HTT: variants seen among roughly 807,000 people sequenced by gnomAD.
The protein encoded by HTT is huntingtin.
A neutral mutation model predicts 362.3 loss-of-function variants in HTT; 104 were observed. That is an observed-to-expected ratio of 0.29 (90% CI 0.24 to 0.34). HTT has a LOEUF of 0.34. Among genes scored for constraint, HTT ranks in the 10% least tolerant of loss-of-function variants. The pLI, the probability that HTT is intolerant of heterozygous loss-of-function variation, is 1.00. For missense variants in HTT, 3,301 were observed against 3,928.6 expected (o/e 0.84, Z 4.27); for synonymous variants, 1,577 against 1,548.7 (o/e 1.02, Z -0.43).
intron 6 of HTT, among the ~76,000 whole-genome samples, chr4:3,112,632 G>GAT (rs1714815698): frequency 6.6e-6 from 1 of 152,192 alleles, no homozygotes; most frequent in Admixed American, 6.6e-5. Flanking sequence ...CCATTGTAGG[G>GAT]ATATACCACA....
chr4:3,225,059 G>A (rs1720843771), intron 56 of HTT, among the ~76,000 whole-genome samples: 1 of 152,140 alleles, frequency 6.6e-6, no homozygotes, highest in African/African-American at 2.4e-5. Context: ...TCTGGGGTCT[G>A]GCAGAGGGTT....
chr4:3,099,630 C>CTTGTATGGTTTGGAGGTGCTCTG (rs1714048511), intron 3 of HTT, among the ~76,000 whole-genome samples: 2 of 67,844 alleles, frequency 2.9e-5, no homozygotes, highest in Non-Finnish European at 6.7e-5. Context: ...TGGAGGTGCT[C>CTTGTATGGTTTGGAGGTGCTCTG]TTGTATGGTT....
intron 3 of HTT, 117 bp from the exon 4 acceptor site, chr4:3,103,707 A>G (rs1714273381): frequency 1.5e-6 from 1 of 675,124 alleles, no homozygotes; most frequent in Non-Finnish European, 2.7e-6. Flanking sequence ...TATATTCTTA[A>G]TTTAGTTGCT....
chr4:3,194,178 A>G (rs1474457702), intron 40 of HTT, among the ~76,000 whole-genome samples: 1 of 152,198 alleles, frequency 6.6e-6, no homozygotes, highest in Non-Finnish European at 1.5e-5. Context: ...AGACCTTTAA[A>G]TTTGTCCATT....
At chr4:3,103,686 T>A (rs1296771901) in intron 3 of HTT, 138 bp from the exon 4 acceptor site, 1 of 623,372 alleles carries the variant, frequency 1.6e-6, no homozygotes, top group Non-Finnish European at 2.9e-6. Context: ...GTTTCTTTCA[T>A]TCTTAATGAA....
At chr4:3,106,581 G>C (rs1211283323) in intron 5 of HTT, among the ~76,000 whole-genome samples, 1 of 152,160 alleles carries the variant, frequency 6.6e-6, no homozygotes, top group Non-Finnish European at 1.5e-5. Context: ...TCCCAGTGCC[G>C]TTTAGATAGA....
intron 28 of HTT, among the ~76,000 whole-genome samples, 200 bp from the exon 29 acceptor site, chr4:3,160,082 A>G (rs1361054298): frequency 2.0e-5 from 3 of 152,212 alleles, no homozygotes; most frequent in Non-Finnish European, 4.4e-5. Context: ...TAGTTTTTGT[A>G]TAGCTATCTG....
chr4:3,090,072 C>T (rs976840777), intron 2 of HTT, among the ~76,000 whole-genome samples: 2 of 152,156 alleles, frequency 1.3e-5, no homozygotes, highest in African/African-American at 2.4e-5. Flanking sequence ...TATTGCTCAT[C>T]GCTGTTTCCT....
chr4:3,228,703 C>A lies in HTT; in HGVS notation c.7937C>A (p.Ala2646Asp), dbSNP rs751016951. 3 of 1,609,242 alleles carry A rather than the reference C, an allele frequency of 1.9e-6. No individual in the cohort carries two copies. Among genetic ancestry groups the A allele is most frequent in the Non-Finnish European group, 2.5e-6 (3 of 1,177,142 alleles). ...WDEEEEEEADAPAPSSPPTSP... is the reference protein window; with the variant it reads ...WDEEEEEEADDPAPSSPPTSP... ...GAGGAAGAGGAGGAGGAGGCCGACG[C>A]CCCTGCACCTTCGTCACCACCCACG... The change falls in exon 58 of 67, where the codon GCC becomes GAC. Residue 2646 changes from alanine (A) to aspartate (D), a missense_variant. Physicochemically the swap from Ala to Asp is moderately radical, Grantham distance 126 (BLOSUM62 -2). Coordinates refer to ENST00000355072, the MANE Select transcript of HTT (RefSeq NM_001388492.1). This position sits in a 1 kb window ranked among gnomAD's most constrained non-coding sequence, Gnocchi z 4.3.
intron 21 of HTT, among the ~76,000 whole-genome samples, chr4:3,138,031 T>G (rs536102651): frequency 6.6e-6 from 1 of 152,226 alleles, no homozygotes; most frequent in Admixed American, 6.5e-5. Context: ...ATTTTGGTAC[T>G]TACTGTGAAA....
chr4:3,240,411 T>G lies in HTT; in HGVS notation c.*352T>G. On this transcript the variant is annotated 3_prime_UTR_variant, in exon 67 of 67. Coordinates refer to ENST00000355072, the MANE Select transcript of HTT (RefSeq NM_001388492.1). ...CATCTGGGCCAGAAGTCCTCCCTCC[T>G]GCAGGCTGGCTGTTGGCCCCTCTGC... 2.9e-6 allele frequency: 1 copy of G among 339,746 alleles called. No homozygotes were observed. The highest frequency in any genetic ancestry group is 5.6e-6 in the Non-Finnish European group (1 of 179,602). The allele number at this position is 339,746 out of a possible 1,614,324, so 21.0% of individuals were successfully genotyped here.
chr4:3,197,182 G>A (rs1315523189), intron 40 of HTT, among the ~76,000 whole-genome samples: 1 of 152,062 alleles, frequency 6.6e-6, no homozygotes, highest in African/African-American at 2.4e-5. Context: ...TCTCGTTACT[G>A]TTTTCTCTGT....
intron 24 of HTT, among the ~76,000 whole-genome samples, chr4:3,146,351 A>G (rs753596497): frequency 6.6e-6 from 1 of 152,228 alleles, no homozygotes; most frequent in Non-Finnish European, 1.5e-5. Flanking sequence ...CAACATAATA[A>G]TATCAGGAAA....
chr4:3,206,879 C>G lies in HTT; in HGVS notation c.5971C>G (p.Leu1991Val). The change falls in exon 44 of 67, where the codon CTG (leucine) becomes GTG (valine). Residue 1991 changes from leucine (L) to valine (V), a missense_variant. Around this residue, in one of 4 missense-constraint regions of HTT, gnomAD observed 2,316 missense variants for 2,658.5 expected, o/e 0.87. Transcript: ENST00000355072. The surrounding 1 kb of genome is among the most constrained non-coding windows in gnomAD (Gnocchi z 4.6). ...CAGCCAGTCGGGAGCTGTGCTCACG[C>G]TGTATGTGGACAGGCTTCTGTGCAC... ...HLSQSGAVLT[L>V]YVDRLLCTPF... The G allele has an allele frequency of 1.9e-6, 3 of 1,614,122 alleles. No homozygotes were observed. Among genetic ancestry groups the G allele is most frequent in the Non-Finnish European group, 2.5e-6 (3 of 1,179,942 alleles).
Position 3,187,836 on chromosome 4 carries a change from A to C in HTT, c.5175A>C (p.Glu1725Asp), listed in dbSNP as rs754341933. Residue 1725 changes from glutamate to aspartate, a missense_variant, in exon 39 of 67, where the codon GAA (glutamate) becomes GAC (aspartate). Glu to Asp is a conservative substitution (Grantham distance 45). This residue lies in a region of HTT where 2,316 missense variants were observed against 2,658.5 expected (regional missense o/e 0.87). Coordinates refer to ENST00000355072, the MANE Select transcript of HTT (RefSeq NM_001388492.1). ...GGGACAGTACTTCAACGCTAGAAGA[A>C]CACAGTGAAGGGAAACAAATAAAGA... is the stretch of plus-strand genomic sequence containing the variant. ...RDGDSTSTLE[E>D]HSEGKQIKNL... 3 of 1,613,370 alleles carry C rather than the reference A, an allele frequency of 1.9e-6. No individual in the cohort carries two copies. The highest frequency in any genetic ancestry group is 2.5e-6 in the Non-Finnish European group (3 of 1,179,346).
At chr4:3,111,218 G>T (rs1268297308) in intron 6 of HTT, among the ~76,000 whole-genome samples, 1 of 149,188 alleles carries the variant, frequency 6.7e-6, no homozygotes, top group Non-Finnish European at 1.5e-5. Flanking sequence ...TTTTGAGATG[G>T]AGTCCTACTC....
chr4:3,128,847 A>C (rs753469847), intron 12 of HTT: 3 of 152,208 alleles, frequency 2.0e-5, no homozygotes, highest in Non-Finnish European at 4.4e-5. Flanking sequence ...CATTTAAATA[A>C]TGTCATGGAA....
At chr4:3,204,786 G>A (rs1184754225) in intron 42 of HTT, among the ~76,000 whole-genome samples, 1 of 152,156 alleles carries the variant, frequency 6.6e-6, no homozygotes, top group Admixed American at 6.5e-5. Flanking sequence ...TGGCAACACA[G>A]AGAAACCCTG....
chr4:3,237,341 T>C (rs1414576424), intron 64 of HTT, among the ~76,000 whole-genome samples: 1 of 152,226 alleles, frequency 6.6e-6, no homozygotes, highest in African/African-American at 2.4e-5. Flanking sequence ...CCCAAAGTGC[T>C]GGGATTGCAG....
Sources: allele counts gnomAD v4.1 joint callset (sites outside exome capture counted in the v4.1 genomes callset), GRCh38; gene constraint gnomAD v4.1.1; regional missense constraint gnomAD v4.1.1; non-coding constraint Gnocchi (gnomAD v3.1); transcripts MANE v1.5; gene names NCBI Gene and HGNC (gene_info 2026-07-23, HGNC 2026-07-21).